Variants in STRN3 observed in about 807,000 individuals in gnomAD.
The protein encoded by STRN3 is striatin-3.
In STRN3, 29 loss-of-function variants were observed where a neutral mutation model predicts 95.6. That is an observed-to-expected ratio of 0.30 (90% confidence interval 0.23 to 0.41). The LOEUF (loss-of-function observed/expected upper bound fraction) is 0.41. Among genes scored for constraint, STRN3 ranks in the 10% least tolerant of loss-of-function variants. STRN3 has a pLI of 1.00. For synonymous variants in STRN3, 331 were observed against 357.6 expected (o/e 0.93, Z 0.84); for missense variants, 890 against 972.1 (o/e 0.92, Z 1.12).
intron 8 of STRN3, among the ~76,000 whole-genome samples, chr14:30,924,285 A>ATTTTTTTTTT (rs1566438140): frequency 3.0e-5 from 1 of 33,560 alleles, no homozygotes; most frequent in East Asian, 6.6e-4. Context: ...CATGCCTTAA[A>ATTTTTTTTTT]TCTTTTTTTT....
intron 1 of STRN3, among the ~76,000 whole-genome samples, chr14:30,962,356 T>C (rs1169076493): frequency 3.3e-5 from 5 of 152,154 alleles, no homozygotes; most frequent in African/African-American, 1.2e-4. Context: ...TAAGCTATTA[T>C]TGAAGAAAAA....
At chr14:30,962,404 T>C (rs928559505) in intron 1 of STRN3, among the ~76,000 whole-genome samples, 7 of 152,286 alleles carry the variant, frequency 4.6e-5, no homozygotes, top group Admixed American at 3.9e-4. Flanking sequence ...GTATACAGTG[T>C]TTATACAATC....
Position 30,907,063 on chromosome 14 carries a change from A to T in STRN3, c.1721-19T>A. The T allele has an allele frequency of 6.3e-7, 1 of 1,595,146 alleles. No individual in the cohort carries two copies. The stretch of plus-strand genomic sequence containing the variant: ...TTTGGCTCTGGGGAAAAAACAAACA[A>T]ACAAAAAATTAGGTAAAAGAAGTTT... On this transcript the variant is annotated intron_variant, in intron 13 of 17. Transcript: ENST00000357479.
At position 31,026,218 on chromosome 14, in the gene STRN3, A is replaced by G; in HGVS notation, c.-33T>C. 7.2e-7 allele frequency: 1 copy of G among 1,382,314 alleles called. No homozygotes were observed. The highest frequency in any genetic ancestry group is 9.3e-7 in the Non-Finnish European group (1 of 1,076,984). The allele number at this position is 1,382,314 out of a possible 1,614,324, so 85.6% of individuals were successfully genotyped here. A position where few individuals can be genotyped will look rare whatever the true frequency, so the allele number is the denominator to read the frequency against. ...GGGGCCCCGGCCGGGGCGCAGGGCG[A>G]GACGCCGACAGCTGGGGGAAGGGCC... On this transcript the variant is annotated 5_prime_UTR_variant, in exon 1 of 18. Transcript: ENST00000357479.
At chr14:30,980,171 A>C (rs1214966794) in intron 1 of STRN3, among the ~76,000 whole-genome samples, 17 of 151,810 alleles carry the variant, frequency 1.1e-4, no homozygotes. Flanking sequence ...CTTGAGCCCA[A>C]GAGGCGGAGG....
intron 1 of STRN3, among the ~76,000 whole-genome samples, chr14:31,004,754 C>G (rs1378061391): frequency 6.6e-6 from 1 of 151,502 alleles, no homozygotes. Context: ...GCCTGGGCAA[C>G]AAGAGTGAAA....
chr14:31,010,970 C>CA (rs1882943945), intron 1 of STRN3, among the ~76,000 whole-genome samples: 1 of 152,202 alleles, frequency 6.6e-6, no homozygotes, highest in South Asian at 2.1e-4. Flanking sequence ...ACCCAGGCAG[C>CA]AGAGGTTGCA....
intron 1 of STRN3, among the ~76,000 whole-genome samples, chr14:30,979,586 G>A (rs1414057750): frequency 2.6e-5 from 4 of 151,836 alleles, no homozygotes; most frequent in South Asian, 2.1e-4. Context: ...GTTGATTTGC[G>A]ACATTTTATT....
At chr14:30,975,646 A>G (rs1057074335) in intron 1 of STRN3, among the ~76,000 whole-genome samples, 3 of 152,018 alleles carry the variant, frequency 2.0e-5, no homozygotes, top group African/African-American at 7.2e-5. Flanking sequence ...TGGGCAATAT[A>G]GCCAGACTGC....
intron 1 of STRN3, among the ~76,000 whole-genome samples, chr14:30,987,098 C>T (rs914649680): frequency 6.6e-6 from 1 of 152,124 alleles, no homozygotes; most frequent in Non-Finnish European, 1.5e-5. Flanking sequence ...TTTAAACACA[C>T]TTACTAGTAC....
rs75770137 is a variant in STRN3 at position 31,004,302 on chromosome 14, TA to T, written c.282+21601del. 1.6e-3 allele frequency among the ~76,000 whole-genome samples: 224 copies of T among 142,410 alleles called. 1 individual carries two copies. The highest frequency in any genetic ancestry group is 7.3e-3 in the Middle Eastern group (2 of 274). The allele number at this position is 142,410 out of a possible 152,430, so 93.4% of individuals were successfully genotyped here. A position where few individuals can be genotyped will look rare whatever the true frequency, so the allele number is the denominator to read the frequency against. On this transcript the variant is annotated intron_variant, in intron 1 of 17. Transcript: ENST00000357479. Reference sequence around the variant, plus strand: ...GTGCAACCCTGCCTAAAAAAAAAGTTAAAAAAAAAAAATTAGCGGAGTATGG... The same window carrying T: ...GTGCAACCCTGCCTAAAAAAAAAGTTAAAAAAAAAAATTAGCGGAGTATGG...
intron 4 of STRN3, among the ~76,000 whole-genome samples, chr14:30,949,571 A>G (rs1306253978): frequency 6.6e-6 from 1 of 152,140 alleles, no homozygotes; most frequent in Non-Finnish European, 1.5e-5. Context: ...AGATGGCGCC[A>G]CTGTACTCCA....
At chr14:30,918,672 A>G (rs980789153) in intron 9 of STRN3, among the ~76,000 whole-genome samples, 3 of 152,132 alleles carry the variant, frequency 2.0e-5, no homozygotes, top group African/African-American at 7.2e-5. Flanking sequence ...ATAAATTACT[A>G]TTTTCCCATT....
At chr14:30,970,352 T>A (rs139562299) in intron 1 of STRN3, among the ~76,000 whole-genome samples, 1 of 152,220 alleles carries the variant, frequency 6.6e-6, no homozygotes. Flanking sequence ...TATGCCGTAG[T>A]TGGTCCAACG....
At position 30,924,287 on chromosome 14, in the gene STRN3, C is replaced by CTTTTTTTTTTTTTTTTTT. The variant is rs71112354; in HGVS notation, c.1099+4896_1099+4913dup. 6.7e-4 allele frequency among the ~76,000 whole-genome samples: 52 copies of CTTTTTTTTTTTTTTTTTT among 77,240 alleles called. 8 individuals are homozygous for CTTTTTTTTTTTTTTTTTT. Among genetic ancestry groups the CTTTTTTTTTTTTTTTTTT allele is most frequent in the East Asian group, 1.5e-3 (4 of 2,716 alleles). 50.7% of individuals were successfully genotyped at this position (77,240 alleles called of 152,430 possible). A position where few individuals can be genotyped will look rare whatever the true frequency, so the allele number is the denominator to read the frequency against. ...AGGTACAATGGCTCATGCCTTAAAT[C>CTTTTTTTTTTTTTTTTTT]TTTTTTTTTTTTTTTTTTTTGAGAT... On this transcript the variant is annotated intron_variant, in intron 8 of 17. Transcript: ENST00000357479.
At chr14:30,969,927 C>T (rs1880739826) in intron 1 of STRN3, among the ~76,000 whole-genome samples, 1 of 152,122 alleles carries the variant, frequency 6.6e-6, no homozygotes, top group Non-Finnish European at 1.5e-5. Flanking sequence ...TGCTGCTAAC[C>T]ACCAAGACTG....
At chr14:31,021,829 G>T (rs546297945) in intron 1 of STRN3, among the ~76,000 whole-genome samples, 1 of 152,168 alleles carries the variant, frequency 6.6e-6, no homozygotes, top group East Asian at 1.9e-4. Context: ...GAGGAGAGAA[G>T]AAAGCGAAAA....
intron 3 of STRN3, 105 bp downstream of exon 3, chr14:30,955,515 A>T: frequency 1.1e-6 from 1 of 892,548 alleles, no homozygotes. Context: ...AGTTTACAAT[A>T]GTCATTCTCT....
intron 6 of STRN3, among the ~76,000 whole-genome samples, chr14:30,935,884 C>T (rs924202850): frequency 2.6e-5 from 4 of 151,976 alleles, no homozygotes; most frequent in East Asian, 3.9e-4. Context: ...CTTATGTTAC[C>T]GTAAAATCTC....
Sources: allele counts gnomAD v4.1 joint callset (sites outside exome capture counted in the v4.1 genomes callset), GRCh38; gene constraint gnomAD v4.1.1; transcripts MANE v1.5; gene names NCBI Gene and HGNC (gene_info 2026-07-23, HGNC 2026-07-21).